POLR2B: variants seen among roughly 807,000 people sequenced by gnomAD.
POLR2B encodes DNA-directed RNA polymerase II subunit RPB2.
A neutral mutation model predicts 144.6 loss-of-function variants in POLR2B; 57 were observed. That is an observed-to-expected ratio of 0.39 (90% CI 0.32 to 0.49). The LOEUF (loss-of-function observed/expected upper bound fraction) is 0.49. Ranked by LOEUF, POLR2B falls within the 20% of genes least tolerant of loss-of-function variation. The pLI is 0.83. For missense variants in POLR2B, 595 were observed against 1,467.4 expected (o/e 0.41, Z 9.71); for synonymous variants, 442 against 469.8 (o/e 0.94, Z 0.77).
chr4:57,017,488 A>T lies in POLR2B; in HGVS notation c.2155-72A>T, dbSNP rs768482138. The T allele has an allele frequency of 4.0e-6, 5 of 1,255,128 alleles. No individual in the cohort carries two copies. In the Admixed American group the frequency reaches 1.2e-4, roughly 31 times the overall value. 77.7% of individuals were successfully genotyped at this position (1,255,128 alleles called of 1,614,324 possible). On this transcript the variant is annotated intron_variant, in intron 15 of 24. Transcript: ENST00000314595. This position sits in a 1 kb window ranked among gnomAD's most constrained non-coding sequence, Gnocchi z 4.8. The stretch of plus-strand genomic sequence containing the variant: ...AGTTTTACCAATCATATTTCTTTTG[A>T]TTTATTGTCAGAGTCTTTTCCATTA...
At chr4:57,016,700 T>C (rs1231208461) in intron 14 of POLR2B, among the ~76,000 whole-genome samples, 1 of 150,178 alleles carries the variant, frequency 6.7e-6, no homozygotes, top group Non-Finnish European at 1.5e-5. Flanking sequence ...TGTATAGTTA[T>C]GTATACTAAT....
chr4:57,011,704 TC>T (rs1723193628), intron 13 of POLR2B, among the ~76,000 whole-genome samples: 1 of 151,904 alleles, frequency 6.6e-6, no homozygotes, highest in Non-Finnish European at 1.5e-5. Context: ...GCGCCTGTAG[TC>T]CCAGCTACTC....
chr4:56,994,950 AG>A (rs1184672682), intron 5 of POLR2B, 84 bp downstream of exon 5: 12 of 853,598 alleles, frequency 1.4e-5, no homozygotes, highest in African/African-American at 8.8e-5. Flanking sequence ...AAAAAAAGAA[AG>A]AAAGATTTTC....
chr4:56,985,219 C>CA lies in POLR2B; in HGVS notation c.20-1127dup, dbSNP rs553893707. 2.9e-5 allele frequency: 21 copies of CA among 717,930 alleles called. No homozygotes were observed. The Admixed American group carries it at 3.8e-4, about 13-fold the overall frequency. The allele number at this position is 717,930 out of a possible 1,614,324, so 44.5% of individuals were successfully genotyped here. A position where few individuals can be genotyped will look rare whatever the true frequency, so the allele number is the denominator to read the frequency against. On this transcript the variant is annotated intron_variant, in intron 1 of 24. Transcript: ENST00000314595. ...AGCCTCAGAATAGTGTATGTCTTTA[C>CA]AAAAAAAATTTTATTTTATTTTTTT...
At chr4:56,981,024 A>C (rs1365754454) in intron 1 of POLR2B, among the ~76,000 whole-genome samples, 5 of 151,898 alleles carry the variant, frequency 3.3e-5, no homozygotes, top group Non-Finnish European at 7.4e-5. Flanking sequence ...GCTGATCTCA[A>C]ACTCCTGACC....
rs186193654 is a variant in POLR2B at position 56,986,568 on chromosome 4, G to T, written c.92+142G>T. ...TATATTTAACATTTTAAGTATTTCAGATCTAAAAGTTACACAAAGAATTCA... is the reference window on the plus strand; with the variant it reads ...TATATTTAACATTTTAAGTATTTCATATCTAAAAGTTACACAAAGAATTCA... On this transcript the variant is annotated intron_variant, in intron 2 of 24. Coordinates refer to ENST00000314595, the MANE Select transcript of POLR2B (RefSeq NM_000938.3). 7.9e-6 allele frequency: 4 copies of T among 504,370 alleles called. No individual in the cohort carries two copies. The Admixed American group carries it at 1.5e-4, about 19-fold the overall frequency. 31.2% of individuals were successfully genotyped at this position (504,370 alleles called of 1,614,324 possible). A position where few individuals can be genotyped will look rare whatever the true frequency, so the allele number is the denominator to read the frequency against.
chr4:56,980,776 A>G (rs1455820376), intron 1 of POLR2B, among the ~76,000 whole-genome samples: 3 of 151,896 alleles, frequency 2.0e-5, no homozygotes, highest in Non-Finnish European at 4.4e-5. Flanking sequence ...AACTACAGTT[A>G]TAACAGTTAT....
At chr4:57,030,742 G>C (rs1723889617) in intron 24 of POLR2B, 157 bp from the exon 25 acceptor site, 1 of 589,996 alleles carries the variant, frequency 1.7e-6, no homozygotes, top group Non-Finnish European at 3.0e-6. Context: ...CCTACTAGGA[G>C]AAAGAACCAC....
rs1293056527 is a variant in POLR2B at position 57,031,069 on chromosome 4, T to C, written c.*81T>C. ...TGTGGCTTTTTAAAAATGACAAATA[T>C]GTACTGTGTTGTGATAAAAAGTATT... On this transcript the variant is annotated 3_prime_UTR_variant, in exon 25 of 25. Coordinates refer to ENST00000314595, the MANE Select transcript of POLR2B (RefSeq NM_000938.3). 4 of 859,960 alleles carry C rather than the reference T, an allele frequency of 4.7e-6. No individual in the cohort carries two copies. Among genetic ancestry groups the C allele is most frequent in the Non-Finnish European group, 7.9e-6 (4 of 507,422 alleles). The allele number at this position is 859,960 out of a possible 1,614,324, so 53.3% of individuals were successfully genotyped here.
intron 2 of POLR2B, among the ~76,000 whole-genome samples, chr4:56,990,052 A>G (rs563579385): frequency 2.2e-4 from 34 of 152,242 alleles, no homozygotes; most frequent in Non-Finnish European, 3.8e-4. Context: ...CTAATGATCT[A>G]TAACCTAAAG....
At chr4:57,025,032 T>G in intron 22 of POLR2B, 33 bp downstream of exon 22, 1 of 1,038,056 alleles carries the variant, frequency 9.6e-7, no homozygotes, top group Non-Finnish European at 1.5e-6. Flanking sequence ...AATTTGCCAC[T>G]TGTTTTTTTT....
chr4:57,021,020 A>G (rs1389114326), intron 17 of POLR2B, 25 bp downstream of exon 17: 1 of 1,251,554 alleles, frequency 8.0e-7, no homozygotes, highest in Non-Finnish European at 1.2e-6. Flanking sequence ...AATTTGTCAA[A>G]ACACAGATAC....
At chr4:57,019,759 C>CTT (rs71208972) in intron 16 of POLR2B, among the ~76,000 whole-genome samples, 7 of 98,174 alleles carry the variant, frequency 7.1e-5, no homozygotes, top group Admixed American at 1.1e-4. Context: ...CTAATGATGT[C>CTT]TTTTTTTTTT....
intron 9 of POLR2B, among the ~76,000 whole-genome samples, chr4:57,006,068 CT>C (rs1490479055): frequency 1.3e-5 from 2 of 152,062 alleles, no homozygotes; most frequent in African/African-American, 4.8e-5. Flanking sequence ...TATAAAAATA[CT>C]GTCAGTGATT....
At chr4:57,008,313 C>T (rs1723085691) in intron 10 of POLR2B, among the ~76,000 whole-genome samples, 1 of 152,000 alleles carries the variant, frequency 6.6e-6, no homozygotes, top group Admixed American at 6.6e-5. Flanking sequence ...CACCATTCTC[C>T]TGCCTCAGCC....
At chr4:57,021,266 T>G (rs1723538890) in intron 17 of POLR2B, among the ~76,000 whole-genome samples, 2 of 152,158 alleles carry the variant, frequency 1.3e-5, no homozygotes, top group South Asian at 4.1e-4. Flanking sequence ...TTAGAATCCA[T>G]AGATAACTAT....
chr4:57,003,532 G>A (rs1348887361), intron 7 of POLR2B, among the ~76,000 whole-genome samples: 3 of 152,146 alleles, frequency 2.0e-5, no homozygotes, highest in Admixed American at 2.0e-4. Flanking sequence ...ACTGGCCTGG[G>A]CAACATAATG....
At chr4:57,028,800 A>G (rs900717590) in intron 23 of POLR2B, among the ~76,000 whole-genome samples, 1 of 152,244 alleles carries the variant, frequency 6.6e-6, no homozygotes, top group African/African-American at 2.4e-5. Flanking sequence ...ACCTAACCAC[A>G]GTACCTCCTT....
intron 1 of POLR2B, among the ~76,000 whole-genome samples, chr4:56,979,621 A>G (rs1386388117): frequency 6.6e-6 from 1 of 152,200 alleles, no homozygotes; most frequent in Non-Finnish European, 1.5e-5. Flanking sequence ...TTGTTTGCGC[A>G]TATGGAATTC....
Sources: gnomAD v4.1 joint callset for allele counts (sites outside exome capture counted in the v4.1 genomes callset) on GRCh38, gnomAD v4.1.1 for gene constraint, Gnocchi (gnomAD v3.1) non-coding constraint, MANE v1.5 for transcripts, NCBI Gene and HGNC (gene_info 2026-07-23, HGNC 2026-07-21) for gene names.